CHIA: variants seen among roughly 807,000 people sequenced by gnomAD.
CHIA encodes acidic mammalian chitinase.
Under a neutral mutation model 53.5 loss-of-function variants are expected in CHIA, and 47 were observed. The ratio of observed to expected loss-of-function variants is 0.88; its 90% CI spans 0.70 to 1.12. CHIA has a LOEUF of 1.12. CHIA is among the 50% of genes most tolerant of loss of function. CHIA has a pLI of 0.00. For synonymous variants in CHIA, 268 were observed against 222.2 expected (o/e 1.21, Z -1.83); for missense variants, 652 against 592.2 (o/e 1.10, Z -1.05).
intron 2 of CHIA, 149 bp downstream of exon 2, chr1:111,310,641 T>C: frequency 1.4e-6 from 2 of 1,466,480 alleles, no homozygotes; most frequent in Non-Finnish European, 1.8e-6. Context: ...AATCTTGTTA[T>C]ATACAAATCA....
intron 1 of CHIA, among the ~76,000 whole-genome samples, chr1:111,301,344 T>C (rs950281503): frequency 3.9e-5 from 6 of 152,084 alleles, no homozygotes; most frequent in Admixed American, 1.3e-4. Context: ...TGTCCATCAA[T>C]GATAGACTGA....
In CHIA at chr1:111,311,655, C is replaced by T. The variant is rs148226142; in HGVS notation, c.26-34C>T. The T allele has an allele frequency of 2.5e-5, 40 of 1,612,760 alleles. No homozygotes were observed. The African/African-American group carries it at 3.2e-4, about 13-fold the overall frequency. On this transcript the variant is annotated intron_variant, in intron 2 of 11. Coordinates refer to ENST00000369740, the MANE Select transcript of CHIA (RefSeq NM_201653.4). The stretch of plus-strand genomic sequence containing the variant: ...TTAGATTCTACGGGGTACAGACAAT[C>T]GGTTCAAAGTACATGCTTTTTCTTT...
At position 111,319,395 on chromosome 1, in the gene CHIA, T is replaced by G; in HGVS notation, c.1104T>G (p.Thr368=). ...GGGCCATTGATCTGGATGACTTCAC[T>G]GGCACTTTCTGCAACCAGGGCAAGT... is the stretch of plus-strand genomic sequence containing the variant. The part of the protein sequence containing the change: ...MVWAIDLDDF[T]GTFCNQGKFP... Residue 368 remains threonine (T), a synonymous_variant, in exon 11 of 12, where the codon ACT becomes ACG. Transcript: ENST00000369740. The G allele has an allele frequency of 6.2e-7, 1 of 1,614,170 alleles. No homozygotes were observed. Among genetic ancestry groups the G allele is most frequent in the Non-Finnish European group, 8.5e-7 (1 of 1,180,006 alleles).
At chr1:111,319,720 A>G (rs991576104) in intron 11 of CHIA, among the ~76,000 whole-genome samples, 3 of 152,212 alleles carry the variant, frequency 2.0e-5, no homozygotes, top group Admixed American at 2.0e-4. Flanking sequence ...GAAGAGCCTC[A>G]AGAAATTATA....
At chr1:111,308,550 A>AT (rs930748639) in intron 1 of CHIA, among the ~76,000 whole-genome samples, 8 of 152,058 alleles carry the variant, frequency 5.3e-5, no homozygotes, top group Non-Finnish European at 7.4e-5. Context: ...GATGATAGTC[A>AT]TTTTTTTTAG....
chr1:111,306,837 G>A (rs1648223282), intron 1 of CHIA, among the ~76,000 whole-genome samples: 1 of 152,124 alleles, frequency 6.6e-6, no homozygotes, highest in Non-Finnish European at 1.5e-5. Flanking sequence ...GCCAATAAAT[G>A]TCAAAAATGC....
In CHIA at chr1:111,315,386, C is replaced by T; in HGVS notation, c.431C>T (p.Ser144Phe). 1 of 1,614,108 alleles carries T rather than the reference C, an allele frequency of 6.2e-7. No individual in the cohort carries two copies. ...GLDFDWEYPG[S>F]RGSPPQDKHL... Reference sequence around the variant, plus strand: ...GACTTTGACTGGGAGTACCCTGGCTCTCGTGGGAGCCCTCCTCAGGACAAG... The same window carrying T: ...GACTTTGACTGGGAGTACCCTGGCTTTCGTGGGAGCCCTCCTCAGGACAAG... Residue 144 changes from serine (S) to phenylalanine (F), a missense_variant, in exon 6 of 12, where the codon TCT (serine) becomes TTT (phenylalanine). Physicochemically the swap from Ser to Phe is radical, Grantham distance 155. Transcript: ENST00000369740.
chr1:111,318,910 A>G (rs750073613), intron 9 of CHIA, among the ~76,000 whole-genome samples: 16 of 152,230 alleles, frequency 1.1e-4, no homozygotes, highest in Non-Finnish European at 2.2e-4. Context: ...ATATTAGCAC[A>G]CAGGTAATAA....
chr1:111,309,120 T>C (rs1180045625), intron 1 of CHIA, among the ~76,000 whole-genome samples: 1 of 152,202 alleles, frequency 6.6e-6, no homozygotes, highest in Non-Finnish European at 1.5e-5. Flanking sequence ...CAAACCACCA[T>C]GGCACATGTT....
At chr1:111,305,345 TG>T (rs34192765) in intron 1 of CHIA, among the ~76,000 whole-genome samples, 132 of 152,132 alleles carry the variant, frequency 8.7e-4, no homozygotes, top group African/African-American at 2.8e-3. Flanking sequence ...CTTGCAACAA[TG>T]GGGGGAGGTG....
chr1:111,305,388 C>A (rs1263257289), intron 1 of CHIA, among the ~76,000 whole-genome samples: 1 of 152,130 alleles, frequency 6.6e-6, no homozygotes, highest in Non-Finnish European at 1.5e-5. Flanking sequence ...TCTTTGTCTG[C>A]ACCTTTGTAA....
intron 11 of CHIA, among the ~76,000 whole-genome samples, chr1:111,319,679 T>G (rs1649495154): frequency 6.6e-6 from 1 of 152,110 alleles, no homozygotes; most frequent in Non-Finnish European, 1.5e-5. Context: ...ACTGGGTGGG[T>G]GTTCTAAGTC....
chr1:111,305,887 T>C (rs1017000145), intron 1 of CHIA, among the ~76,000 whole-genome samples: 1 of 152,242 alleles, frequency 6.6e-6, no homozygotes, highest in African/African-American at 2.4e-5. Context: ...TAATCATGTT[T>C]AGTGATATTG....
At chr1:111,299,579 G>A (rs1422338527) in intron 1 of CHIA, among the ~76,000 whole-genome samples, 12 of 152,096 alleles carry the variant, frequency 7.9e-5, no homozygotes, top group South Asian at 4.1e-4. Context: ...GGTATTGATG[G>A]AATGTATCTC....
intron 1 of CHIA, among the ~76,000 whole-genome samples, chr1:111,305,965 G>A (rs1170980287): frequency 6.6e-6 from 1 of 152,148 alleles, no homozygotes; most frequent in African/African-American, 2.4e-5. Flanking sequence ...AGAAGATGCA[G>A]TTTAAAATGG....
rs775609194 is a variant in CHIA, at chr1:111,320,268, C to T, written c.1233C>T (p.Ser411=). Residue 411 remains serine, a synonymous_variant, in exon 12 of 12, where the codon AGC becomes AGT. Coordinates refer to ENST00000369740, the MANE Select transcript of CHIA (RefSeq NM_201653.4). ...IEPITAAPSG[S]GNGSGSSSSG... ...CAATAACTGCTGCTCCCAGTGGCAGCGGGAACGGGAGCGGGAGTAGCAGCT... is the reference window on the plus strand; with the variant it reads ...CAATAACTGCTGCTCCCAGTGGCAGTGGGAACGGGAGCGGGAGTAGCAGCT... The T allele has an allele frequency of 1.9e-6, 3 of 1,613,970 alleles. No individual in the cohort carries two copies. Among genetic ancestry groups the T allele is most frequent in the East Asian group, 2.2e-5 (1 of 44,890 alleles).
intron 1 of CHIA, among the ~76,000 whole-genome samples, chr1:111,300,292 GAAGA>G (rs1434638321): frequency 6.6e-6 from 1 of 152,182 alleles, no homozygotes; most frequent in Non-Finnish European, 1.5e-5. Flanking sequence ...TAAGGAAAAA[GAAGA>G]AAGCTGGAGG....
At chr1:111,296,561 T>G (rs983354783) in intron 1 of CHIA, among the ~76,000 whole-genome samples, 2 of 152,068 alleles carry the variant, frequency 1.3e-5, no homozygotes, top group African/African-American at 4.8e-5. Flanking sequence ...CAAAACCCCA[T>G]CTGTAGGTCA....
At chr1:111,301,806 A>C (rs1455798328) in intron 1 of CHIA, among the ~76,000 whole-genome samples, 1 of 152,072 alleles carries the variant, frequency 6.6e-6, no homozygotes, top group Non-Finnish European at 1.5e-5. Context: ...TCACAAGGAC[A>C]GAAAACCATA....
Sources: gnomAD v4.1 joint callset for allele counts (sites outside exome capture counted in the v4.1 genomes callset) on GRCh38, gnomAD v4.1.1 for gene constraint, MANE v1.5 for transcripts, NCBI Gene and HGNC (gene_info 2026-07-23, HGNC 2026-07-21) for gene names.